STK31: variants seen among roughly 807,000 people sequenced by gnomAD.
STK31 encodes serine/threonine kinase 31.
STK31 carries 89 observed loss-of-function variants against 129.7 expected under a neutral mutation model. That is an observed-to-expected ratio of 0.69 (90% CI 0.58 to 0.82). STK31 has a LOEUF of 0.82. Ranked by LOEUF, STK31 falls within the 40% of genes least tolerant of loss-of-function variation. The pLI is 0.00. For missense variants in STK31, 1,187 were observed against 1,176.4 expected, an observed-to-expected ratio of 1.01 and a Z score of -0.13; for synonymous variants, 448 against 395.3, an observed-to-expected ratio of 1.13 and a Z score of -1.58.
Position 23,762,818 on chromosome 7 carries a change from G to C in STK31, c.1311G>C (p.Leu437Phe). The change falls in exon 11 of 24, where the codon TTG (leucine) becomes TTC (phenylalanine). Residue 437 changes from leucine to phenylalanine, a missense_variant. Transcript: ENST00000355870. ...TCCTCCAGAGTGAAGGGAATATTTT[G>C]ATTGCCCAAAGAAATGAAATGCAGC... is the stretch of plus-strand genomic sequence containing the variant. ...TCEYVSEGNI[L>F]IAQRNEMQQK... is the part of the protein sequence containing the mutation. 6.2e-7 allele frequency: 1 copy of C among 1,608,948 alleles called. No homozygotes were observed. The highest frequency in any genetic ancestry group is 8.5e-7 in the Non-Finnish European group (1 of 1,178,380).
At chr7:23,727,414 A>T (rs769293603) in intron 5 of STK31, 99 bp downstream of exon 5, 11 of 931,326 alleles carry the variant, frequency 1.2e-5, no homozygotes, top group African/African-American at 1.7e-5. Flanking sequence ...TATTCGTAGT[A>T]CTGATACCTG....
chr7:23,719,278 T>C (rs1256080633), intron 4 of STK31, among the ~76,000 whole-genome samples: 1 of 152,024 alleles, frequency 6.6e-6, no homozygotes, highest in Admixed American at 6.6e-5. Context: ...ATCATGAAAA[T>C]CTACTGTACA....
chr7:23,710,586 A>C (rs984207188), intron 1 of STK31: 1 of 1,353,702 alleles, frequency 7.4e-7, no homozygotes, highest in African/African-American at 1.5e-5. Context: ...CAGCCTCCAC[A>C]CTCTCTTCCC....
intron 15 of STK31, among the ~76,000 whole-genome samples, chr7:23,774,604 C>T (rs992390671): frequency 6.6e-6 from 1 of 152,100 alleles, no homozygotes; most frequent in Non-Finnish European, 1.5e-5. Context: ...CTGTTCATAT[C>T]CTTTGCCCAC....
At chr7:23,827,978 G>C (rs1794279798) in intron 23 of STK31, among the ~76,000 whole-genome samples, 1 of 152,128 alleles carries the variant, frequency 6.6e-6, no homozygotes, top group African/African-American at 2.4e-5. Flanking sequence ...GGAGTACCCG[G>C]CTGTGTGAGG....
At chr7:23,745,917 C>G (rs1332113449) in intron 8 of STK31, among the ~76,000 whole-genome samples, 1 of 152,168 alleles carries the variant, frequency 6.6e-6, no homozygotes, top group African/African-American at 2.4e-5. Flanking sequence ...TGGCTGCAAG[C>G]AGGATAGCAT....
At chr7:23,811,390 C>A in intron 22 of STK31, 1 of 343,362 alleles carries the variant, frequency 2.9e-6, no homozygotes, top group South Asian at 3.0e-5. Context: ...CTTTCATATA[C>A]ATCTTGTAGG....
intron 8 of STK31, among the ~76,000 whole-genome samples, chr7:23,747,476 TCTC>T (rs1332943104): frequency 6.6e-6 from 1 of 152,072 alleles, no homozygotes; most frequent in Non-Finnish European, 1.5e-5. Context: ...TTCACGCCAT[TCTC>T]CTGCCTCAGC....
chr7:23,754,577 G>C (rs1788937764), intron 10 of STK31, 103 bp downstream of exon 10: 1 of 1,292,936 alleles, frequency 7.7e-7, no homozygotes, highest in South Asian at 1.5e-5. Flanking sequence ...TGTGCAGAAT[G>C]TGCAGATTTG....
In STK31 at chr7:23,786,610, T is replaced by C; in HGVS notation, c.2377T>C (p.Leu793=). 1 of 1,613,378 alleles carries C rather than the reference T, an allele frequency of 6.2e-7. No homozygotes were observed. Among genetic ancestry groups the C allele is most frequent in the Non-Finnish European group, 8.5e-7 (1 of 1,179,718 alleles). The part of the protein sequence containing the change: ...EAEGDSGLLP[L]IFLFLCKSDP... ...TGAAGGAGACTCAGGGTTACTGCCA[T>C]TGATATTCCTGTTTTTATGTAAGGT... The change falls in exon 19 of 24, where the codon TTG becomes CTG. Residue 793 remains leucine (L), a synonymous_variant. Transcript: ENST00000355870.
At chr7:23,797,076 T>A (rs1391130848) in intron 22 of STK31, among the ~76,000 whole-genome samples, 1 of 152,062 alleles carries the variant, frequency 6.6e-6, no homozygotes, top group African/African-American at 2.4e-5. Flanking sequence ...ATCCTAAATA[T>A]TATATGCACC....
At chr7:23,787,763 C>T (rs1193941304) in intron 20 of STK31, among the ~76,000 whole-genome samples, 2 of 151,054 alleles carry the variant, frequency 1.3e-5, no homozygotes, top group Non-Finnish European at 2.9e-5. Context: ...CACACACACA[C>T]ACACACACAC....
intron 6 of STK31, among the ~76,000 whole-genome samples, chr7:23,731,981 T>G (rs1787459682): frequency 6.6e-6 from 1 of 152,196 alleles, no homozygotes; most frequent in Admixed American, 6.5e-5. Flanking sequence ...ATTGAAAGCC[T>G]TATGTTCTAA....
intron 15 of STK31, among the ~76,000 whole-genome samples, chr7:23,780,611 A>AAG: frequency 6.6e-6 from 1 of 152,314 alleles, no homozygotes; most frequent in African/African-American, 2.4e-5. Flanking sequence ...TAGCTCAGTG[A>AAG]ATCTGCATTT....
intron 15 of STK31, among the ~76,000 whole-genome samples, chr7:23,775,012 A>G (rs1790448897): frequency 6.6e-6 from 1 of 152,214 alleles, no homozygotes; most frequent in Non-Finnish European, 1.5e-5. Context: ...CCGTTTTCCC[A>G]ACACCATTTA....
chr7:23,792,211 A>G (rs969366683), intron 22 of STK31, among the ~76,000 whole-genome samples: 3 of 152,240 alleles, frequency 2.0e-5, no homozygotes, highest in Admixed American at 6.5e-5. Context: ...TTATTTGCAG[A>G]TGACATGCTT....
chr7:23,813,757 G>A (rs1474986519), intron 22 of STK31, among the ~76,000 whole-genome samples: 1 of 152,156 alleles, frequency 6.6e-6, no homozygotes, highest in Admixed American at 6.5e-5. Context: ...ATGGGATGAA[G>A]CTTCTTGAGC....
intron 23 of STK31, among the ~76,000 whole-genome samples, chr7:23,830,592 T>TTTGTGTG (rs375886156): frequency 7.0e-6 from 1 of 142,140 alleles, no homozygotes; most frequent in African/African-American, 2.7e-5. Context: ...AATTTCCATG[T>TTTGTGTG]TGTGTGTGTG....
At chr7:23,752,657 A>T (rs992143307) in intron 8 of STK31, 60 bp from the exon 9 acceptor site, 1 of 1,269,602 alleles carries the variant, frequency 7.9e-7, no homozygotes, top group Non-Finnish European at 1.1e-6. Flanking sequence ...TATTTAAATT[A>T]TAGCAGAAAT....
Sources: gnomAD v4.1 joint callset for allele counts (sites outside exome capture counted in the v4.1 genomes callset) on GRCh38, gnomAD v4.1.1 for gene constraint, MANE v1.5 for transcripts, NCBI Gene and HGNC (gene_info 2026-07-23, HGNC 2026-07-21) for gene names.